Variants in BMP8A observed in about 807,000 individuals in gnomAD.
BMP8A encodes BMP-8A.
BMP8A carries 14 observed loss-of-function variants against 36.8 expected under a neutral mutation model. The ratio of observed to expected loss-of-function variants is 0.38; its 90% CI spans 0.25 to 0.60. The LOEUF is 0.60. Ranked by LOEUF, BMP8A falls within the 20% of genes least tolerant of loss-of-function variation. The probability of loss-of-function intolerance (pLI) is 0.63; values close to 1 mark genes in which losing one functional copy is unlikely to be tolerated. For missense variants in BMP8A, 267 were observed against 551.1 expected (o/e 0.48, Z 5.16); for synonymous variants, 120 against 237.7 (o/e 0.50, Z 4.55).
chr1:39,502,904 T>C (rs1645264840), intron 1 of BMP8A, among the ~76,000 whole-genome samples: 1 of 152,050 alleles, frequency 6.6e-6, no homozygotes, highest in African/African-American at 2.4e-5. Context: ...AAATTAGCCA[T>C]GCGTAGTGGT....
In BMP8A at chr1:39,514,956, A is replaced by G. The variant is rs1645384160; in HGVS notation, c.673+3052A>G. ...TCCTGGCCTCCGACCCGGGCCGACT[A>G]TGGCGGCGCTGCGGCTCCTGGCGTC... is the stretch of plus-strand genomic sequence containing the variant. On this transcript the variant is annotated intron_variant, in intron 3 of 6. Transcript: ENST00000331593. 6.6e-6 allele frequency: 10 copies of G among 1,513,198 alleles called. No homozygotes were observed. In the Admixed American group the frequency reaches 6.7e-5, roughly 10 times the overall value. 93.7% of individuals were successfully genotyped at this position (1,513,198 alleles called of 1,614,324 possible). A position where few individuals can be genotyped will look rare whatever the true frequency, so the allele number is the denominator to read the frequency against.
Position 39,525,695 on chromosome 1 carries a change from C to A in BMP8A, c.1106C>A (p.Pro369His). Residue 369 changes from proline to histidine, a missense_variant, in exon 7 of 7, where the codon CCC becomes CAC. Physicochemically the swap from Pro to His is moderately conservative, Grantham distance 77 (BLOSUM62 -2). This residue lies in a region of BMP8A where 132 missense variants were observed against 151.3 expected (regional missense o/e 0.87). Transcript: ENST00000331593. ...PNAVPKACCA[P>H]TKLSATSVLY... ...GCAGTCCCCAAGGCGTGCTGTGCAC[C>A]CACCAAGCTGAGCGCCACCTCTGTG... 1 of 1,614,046 alleles carries A rather than the reference C, an allele frequency of 6.2e-7. No individual in the cohort carries two copies. Among genetic ancestry groups the A allele is most frequent in the Non-Finnish European group, 8.5e-7 (1 of 1,179,992 alleles).
intron 6 of BMP8A, 39 bp downstream of exon 6, chr1:39,523,156 G>A: frequency 6.2e-7 from 1 of 1,607,054 alleles, no homozygotes. Flanking sequence ...CCCTGGGGTG[G>A]GAGGCCCTGC....
chr1:39,523,352 G>A (rs554848340), intron 6 of BMP8A, among the ~76,000 whole-genome samples: 248 of 152,298 alleles, frequency 1.6e-3, no homozygotes, highest in Non-Finnish European at 2.4e-3. Flanking sequence ...GAACAGTCGC[G>A]TATGCATGCC....
At chr1:39,496,923 A>T (rs1462537663) in intron 1 of BMP8A, among the ~76,000 whole-genome samples, 2 of 152,202 alleles carry the variant, frequency 1.3e-5, no homozygotes, top group African/African-American at 4.8e-5. Flanking sequence ...AGAAGCATGT[A>T]ACTTGGGTGC....
At chr1:39,503,266 G>C (rs1645267808) in intron 1 of BMP8A, among the ~76,000 whole-genome samples, 1 of 152,152 alleles carries the variant, frequency 6.6e-6, no homozygotes, top group Non-Finnish European at 1.5e-5. Context: ...TACTTGACAG[G>C]CTGAGGTGGG....
In BMP8A at chr1:39,524,063, G is replaced by A. The variant is rs1045733071; in HGVS notation, c.1059+946G>A. 6.6e-6 allele frequency among the ~76,000 whole-genome samples: 1 copy of A among 152,098 alleles called. No individual in the cohort carries two copies. The highest frequency in any genetic ancestry group is 2.4e-5 in the African/African-American group (1 of 41,390). ...GAAAGAAATTACCAAAAGCTGCTCT[G>A]AGCCTATGATAATACTTCCTTTCTG... On this transcript the variant is annotated intron_variant, in intron 6 of 6. Coordinates refer to ENST00000331593, the MANE Select transcript of BMP8A (RefSeq NM_181809.4). The surrounding 1 kb of genome is among the most constrained non-coding windows in gnomAD (Gnocchi z 4.0).
rs4012665 is a variant in BMP8A, at chr1:39,492,318, C to T, written c.327C>T (p.Val109=). ...GCGCCGACCTGGTCATGAGCTTCGT[C>T]AACATGGGTGAGTGCGGCCGCCCGC... The part of the protein sequence containing the change: ...LGRADLVMSF[V]NMVERDRALG... The change falls in exon 1 of 7, where the codon GTC becomes GTT. Residue 109 remains valine, a synonymous_variant. Transcript: ENST00000331593. The T allele has an allele frequency of 6.5e-5, 101 of 1,559,646 alleles. No individual in the cohort carries two copies. The highest frequency in any genetic ancestry group is 2.4e-4 in the Admixed American group (13 of 54,302).
intron 3 of BMP8A, chr1:39,515,832 G>GGACGCGCATCATCA (rs1258504355): frequency 6.3e-7 from 1 of 1,588,472 alleles, no homozygotes; most frequent in East Asian, 2.3e-5. Flanking sequence ...GAGGACGCCA[G>GGACGCGCATCATCA]GACGCGCATC....
rs144902183 is a variant in BMP8A at position 39,526,740 on chromosome 1, G to A, written c.*942G>A. Among the ~76,000 whole-genome samples, 712 of 152,274 alleles carry A rather than the reference G, an allele frequency of 4.7e-3. 3 individuals are homozygous for A. Among genetic ancestry groups the A allele is most frequent in the African/African-American group, 0.016 (681 of 41,546 alleles). ...CCCACAGGAGCAAAGAATCCTGGGG[G>A]CTTCCAGTTCCCTCCACCATCTCTA... On this transcript the variant is annotated 3_prime_UTR_variant, in exon 7 of 7. Transcript: ENST00000331593.
At chr1:39,523,503 G>A (rs1391364603) in intron 6 of BMP8A, 14 of 1,348,320 alleles carry the variant, frequency 1.0e-5, no homozygotes, top group Non-Finnish European at 1.3e-5. Context: ...ACGCTGGCAA[G>A]TCTGACCGCC....
intron 1 of BMP8A, among the ~76,000 whole-genome samples, chr1:39,503,735 G>A (rs1315191427): frequency 5.9e-5 from 9 of 151,890 alleles, no homozygotes; most frequent in Admixed American, 3.3e-4. Flanking sequence ...GGATGGTCTC[G>A]ATCTCCTGAC....
Position 39,527,514 on chromosome 1 carries a change from G to A in BMP8A, c.*1716G>A, listed in dbSNP as rs553789979. 7.9e-5 allele frequency among the ~76,000 whole-genome samples: 12 copies of A among 152,338 alleles called. No homozygotes were observed. Among genetic ancestry groups the A allele is most frequent in the South Asian group, 4.1e-4 (2 of 4,830 alleles). Reference sequence around the variant, plus strand: ...GTTCACGTGCTGCACCCCCAGGGAGGGGCCTGGGGAGAGCTGGTCCAGCAG... The same window carrying A: ...GTTCACGTGCTGCACCCCCAGGGAGAGGCCTGGGGAGAGCTGGTCCAGCAG... On this transcript the variant is annotated 3_prime_UTR_variant, in exon 7 of 7. Coordinates refer to ENST00000331593, the MANE Select transcript of BMP8A (RefSeq NM_181809.4).
At chr1:39,510,963 G>T (rs565446645) in intron 1 of BMP8A, among the ~76,000 whole-genome samples, 9 of 152,180 alleles carry the variant, frequency 5.9e-5, no homozygotes, top group Non-Finnish European at 1.3e-4. Context: ...CTCAGGGTGA[G>T]CCTGGCTGCA....
At chr1:39,507,742 G>A (rs1279577261) in intron 1 of BMP8A, among the ~76,000 whole-genome samples, 2 of 152,308 alleles carry the variant, frequency 1.3e-5, no homozygotes, top group Admixed American at 6.5e-5. Context: ...AATAGGGTGG[G>A]AGAAGCATTC....
At chr1:39,518,125 G>A (rs1310982041) in intron 3 of BMP8A, among the ~76,000 whole-genome samples, 2 of 152,178 alleles carry the variant, frequency 1.3e-5, no homozygotes, top group Non-Finnish European at 2.9e-5. Flanking sequence ...GCATGCACGC[G>A]TGCACACGTG....
In BMP8A at chr1:39,503,454, A is replaced by G. The variant is rs72663504; in HGVS notation, c.335-7720A>G. On this transcript the variant is annotated intron_variant, in intron 1 of 6. Transcript: ENST00000331593. ...AGTCTGGGCAACATAGTGAGATTTCATCTCTACAAAAAATAAATTAGCCAG... is the reference window on the plus strand; with the variant it reads ...AGTCTGGGCAACATAGTGAGATTTCGTCTCTACAAAAAATAAATTAGCCAG... Among the ~76,000 whole-genome samples the G allele has an allele frequency of 2.7e-3, 416 of 151,888 alleles. 1 individual carries two copies. Among genetic ancestry groups the G allele is most frequent in the Non-Finnish European group, 4.5e-3 (309 of 67,984 alleles).
chr1:39,504,801 A>T (rs561318863), intron 1 of BMP8A, among the ~76,000 whole-genome samples: 7 of 152,200 alleles, frequency 4.6e-5, no homozygotes, highest in African/African-American at 1.7e-4. Flanking sequence ...CATCTCGGTG[A>T]GGGGGATGTG....
rs1215730391 is a variant in BMP8A at position 39,527,364 on chromosome 1, AACAG to A, written c.*1572_*1575del. ...GCTAAGCCTGTAATTTACCTGCTGG[AACAG>A]ACAGAGTCCAGCTGCCCAAACCGTG... On this transcript the variant is annotated 3_prime_UTR_variant, in exon 7 of 7. Transcript: ENST00000331593. Among the ~76,000 whole-genome samples the A allele has an allele frequency of 3.9e-5, 6 of 152,300 alleles. 1 individual carries two copies. In the Middle Eastern group the frequency reaches 0.014, roughly 345 times the overall value.
Sources: gnomAD v4.1 joint callset for allele counts (sites outside exome capture counted in the v4.1 genomes callset) on GRCh38, gnomAD v4.1.1 for gene constraint, gnomAD v4.1.1 regional missense constraint, Gnocchi (gnomAD v3.1) non-coding constraint, MANE v1.5 for transcripts, NCBI Gene and HGNC (gene_info 2026-07-23, HGNC 2026-07-21) for gene names.